Variants in SGCZ observed in about 807,000 individuals in gnomAD.
SGCZ encodes zeta-sarcoglycan.
A neutral mutation model predicts 41.3 loss-of-function variants in SGCZ; 40 were observed. The observed-to-expected ratio is 0.97, with a 90% confidence interval of 0.75 to 1.26. The LOEUF (loss-of-function observed/expected upper bound fraction) is 1.26, where lower values mean the gene tolerates loss of function less well. SGCZ is among the 50% of genes most tolerant of loss of function. The pLI is 0.00. For missense variants in SGCZ, 552 were observed against 369.8 expected, an observed-to-expected ratio of 1.49 and a Z score of -4.04; for synonymous variants, 206 against 137.5, an observed-to-expected ratio of 1.50 and a Z score of -3.49.
intron 1 of SGCZ, among the ~76,000 whole-genome samples, chr8:14,756,596 A>T (rs1169720558): frequency 3.9e-5 from 6 of 152,200 alleles, no homozygotes; most frequent in Non-Finnish European, 7.3e-5. Flanking sequence ...TCTCCTGCAA[A>T]AGAATACAAG....
intron 5 of SGCZ, among the ~76,000 whole-genome samples, chr8:14,120,643 G>GA (rs940034392): frequency 1.3e-5 from 2 of 151,334 alleles, no homozygotes; most frequent in East Asian, 1.9e-4. Context: ...GTTTTCTATA[G>GA]AAAAAAAATC....
intron 1 of SGCZ, among the ~76,000 whole-genome samples, chr8:14,750,176 T>C (rs896731458): frequency 2.6e-5 from 4 of 152,104 alleles, no homozygotes; most frequent in African/African-American, 9.7e-5. Flanking sequence ...ATCCCATCTG[T>C]GGGGAAGAAA....
chr8:14,598,947 T>G (rs1242061085), intron 1 of SGCZ, among the ~76,000 whole-genome samples: 1 of 152,194 alleles, frequency 6.6e-6, no homozygotes, highest in Non-Finnish European at 1.5e-5. Flanking sequence ...TGTCTTTTTA[T>G]TTTTCTTCAT....
intron 1 of SGCZ, among the ~76,000 whole-genome samples, chr8:15,082,039 G>A (rs553584180): frequency 8.3e-4 from 126 of 152,058 alleles, no homozygotes; most frequent in African/African-American, 2.9e-3. Context: ...GACCAACCTG[G>A]CCAACATGGT....
chr8:14,553,092 A>C (rs1238090318), intron 2 of SGCZ, among the ~76,000 whole-genome samples: 2 of 152,198 alleles, frequency 1.3e-5, no homozygotes, highest in Middle Eastern at 3.4e-3. Flanking sequence ...AGGACAAAAG[A>C]ATGTGCAGGA....
At position 14,089,617 on chromosome 8, in the gene SGCZ, C is replaced by G. The variant is rs892190129; in HGVS notation, c.*826G>C. Reference sequence around the variant, plus strand: ...TATGGATTTAATACCATCAACATATCCTTCTTAATCCTGTCTTATATTGCA... The same window carrying G: ...TATGGATTTAATACCATCAACATATGCTTCTTAATCCTGTCTTATATTGCA... On this transcript the variant is annotated 3_prime_UTR_variant, in exon 8 of 8. Coordinates refer to ENST00000382080, the MANE Select transcript of SGCZ (RefSeq NM_139167.4). 6.6e-6 allele frequency among the ~76,000 whole-genome samples: 1 copy of G among 151,956 alleles called. No individual in the cohort carries two copies. The highest frequency in any genetic ancestry group is 2.4e-5 in the African/African-American group (1 of 41,410).
chr8:15,169,528 G>A (rs984139196), intron 1 of SGCZ, among the ~76,000 whole-genome samples: 41 of 152,130 alleles, frequency 2.7e-4, no homozygotes. Flanking sequence ...AATTTTCATG[G>A]GGTGGAACAA....
chr8:15,010,852 C>T (rs187972665), intron 1 of SGCZ, among the ~76,000 whole-genome samples: 4 of 152,274 alleles, frequency 2.6e-5, no homozygotes, highest in South Asian at 2.1e-4. Context: ...AGAAACACGA[C>T]GTGCCAAACA....
chr8:14,092,809 G>A (rs115257698), intron 7 of SGCZ, among the ~76,000 whole-genome samples: 1,777 of 152,064 alleles, frequency 0.012, 30 homozygotes, highest in African/African-American at 0.039. Context: ...ACCCAGTCTC[G>A]GGTATGTCTT....
intron 1 of SGCZ, among the ~76,000 whole-genome samples, chr8:14,607,292 T>C (rs935531410): frequency 3.3e-5 from 5 of 152,218 alleles, no homozygotes; most frequent in African/African-American, 1.2e-4. Flanking sequence ...AAATTGTTAA[T>C]TATCCTTCAG....
At chr8:14,977,549 G>A (rs2130874478) in intron 1 of SGCZ, among the ~76,000 whole-genome samples, 1 of 152,162 alleles carries the variant, frequency 6.6e-6, no homozygotes, top group East Asian at 1.9e-4. Flanking sequence ...CAGGCTCAGT[G>A]ACAGGTATTT....
At chr8:14,273,756 C>G (rs1449278761) in intron 3 of SGCZ, among the ~76,000 whole-genome samples, 2 of 152,034 alleles carry the variant, frequency 1.3e-5, no homozygotes, top group African/African-American at 4.8e-5. Context: ...TCCAATGCAG[C>G]CTAGATACTA....
Position 14,089,122 on chromosome 8 carries a change from G to A in SGCZ, c.*1321C>T, listed in dbSNP as rs533238715. Reference sequence around the variant, plus strand: ...GTGATAAATGAATATTCAGTATTCTGGAGTTGTTTACTAAGAGGTCATATA... The same window carrying A: ...GTGATAAATGAATATTCAGTATTCTAGAGTTGTTTACTAAGAGGTCATATA... On this transcript the variant is annotated 3_prime_UTR_variant, in exon 8 of 8. Transcript: ENST00000382080. Among the ~76,000 whole-genome samples, 1 of 152,000 alleles carries A rather than the reference G, an allele frequency of 6.6e-6. No individual in the cohort carries two copies. The highest frequency in any genetic ancestry group is 2.1e-4 in the South Asian group (1 of 4,824).
rs531151900 is a variant in SGCZ at position 15,236,314 on chromosome 8, C to T, written c.39+1271G>A. 2.1e-3 allele frequency among the ~76,000 whole-genome samples: 320 copies of T among 152,340 alleles called. 1 individual carries two copies. Among genetic ancestry groups the T allele is most frequent in the African/African-American group, 7.5e-3 (310 of 41,574 alleles). The stretch of plus-strand genomic sequence containing the variant: ...TCCTGCGTGCCCCCTGGCCAGGGCA[C>T]AGGACAGGCTGCAGACAGAGGCTTT... On this transcript the variant is annotated intron_variant, in intron 1 of 7. Transcript: ENST00000382080.
intron 2 of SGCZ, among the ~76,000 whole-genome samples, chr8:14,527,742 C>G (rs1325211502): frequency 6.6e-6 from 1 of 152,054 alleles, no homozygotes; most frequent in African/African-American, 2.4e-5. Flanking sequence ...GTGTTAATTA[C>G]CACTGCGTCT....
At chr8:14,994,066 G>A (rs148009838) in intron 1 of SGCZ, among the ~76,000 whole-genome samples, 16 of 152,224 alleles carry the variant, frequency 1.1e-4, no homozygotes, top group Non-Finnish European at 1.9e-4. Flanking sequence ...AGAAGTGATT[G>A]GGTTCTGAGT....
At chr8:14,267,441 A>C (rs117832958) in intron 3 of SGCZ, among the ~76,000 whole-genome samples, 2,590 of 152,188 alleles carry the variant, frequency 0.017, 21 homozygotes, top group Non-Finnish European at 0.025. Flanking sequence ...TAAGATTTTG[A>C]TAAGAGAAAT....
chr8:14,674,675 G>C, intron 1 of SGCZ, among the ~76,000 whole-genome samples: 1 of 152,126 alleles, frequency 6.6e-6, no homozygotes, highest in Admixed American at 6.5e-5. Flanking sequence ...GATCATGGGG[G>C]TGGATTTCTC....
intron 1 of SGCZ, among the ~76,000 whole-genome samples, chr8:14,952,922 A>G (rs547711089): frequency 6.6e-6 from 1 of 152,192 alleles, no homozygotes; most frequent in Non-Finnish European, 1.5e-5. Context: ...GGATTCAGCT[A>G]CAAATGAAAT....
Sources: gnomAD v4.1 joint callset for allele counts (sites outside exome capture counted in the v4.1 genomes callset) on GRCh38, gnomAD v4.1.1 for gene constraint, MANE v1.5 for transcripts, NCBI Gene and HGNC (gene_info 2026-07-23, HGNC 2026-07-21) for gene names.